Variants in STXBP5L observed in about 807,000 individuals in gnomAD.
STXBP5L encodes the protein syntaxin-binding protein 5-like.
A neutral mutation model predicts 144.5 loss-of-function variants in STXBP5L; 65 were observed. That is an observed-to-expected ratio of 0.45 (90% CI 0.37 to 0.55). The LOEUF is 0.55. Among genes scored for constraint, STXBP5L ranks in the 20% least tolerant of loss-of-function variants. The pLI, the probability that STXBP5L is intolerant of heterozygous loss-of-function variation, is 0.00. For missense variants in STXBP5L, 1,298 were observed against 1,405.5 expected (o/e 0.92, Z 1.22); for synonymous variants, 505 against 469.6 (o/e 1.08, Z -0.97).
chr3:120,956,146 T>C (rs1368711331), intron 3 of STXBP5L, among the ~76,000 whole-genome samples: 1 of 151,964 alleles, frequency 6.6e-6, no homozygotes, highest in Non-Finnish European at 1.5e-5. Flanking sequence ...TTCTCTGGTG[T>C]AAATGCCCAG....
rs144927552 is a variant in STXBP5L, at chr3:121,067,409, G to T, written c.470+21874G>T. 4.5e-3 allele frequency among the ~76,000 whole-genome samples: 691 copies of T among 152,148 alleles called. 4 individuals are homozygous for T. The highest frequency in any genetic ancestry group is 0.016 in the African/African-American group (659 of 41,546). ...TATTTGAACCTTGTGTTATTTAGAA[G>T]TTAATTAGTTTTCAAGAAGTTGAGA... On this transcript the variant is annotated intron_variant, in intron 5 of 26. Coordinates refer to ENST00000471454, the MANE Select transcript of STXBP5L (RefSeq NM_001308330.2).
rs147307423 is a variant in STXBP5L, at chr3:121,399,711, G to A, written c.2588-7532G>A. 3.2e-3 allele frequency among the ~76,000 whole-genome samples: 486 copies of A among 152,304 alleles called. 3 individuals are homozygous for A. Among genetic ancestry groups the A allele is most frequent in the African/African-American group, 0.011 (448 of 41,556 alleles). ...TTAAGAATACCTTTAAGCAGTTTTCGGCCCTGGGAGGGCCAGGTGTTCCTT... is the reference window on the plus strand; with the variant it reads ...TTAAGAATACCTTTAAGCAGTTTTCAGCCCTGGGAGGGCCAGGTGTTCCTT... On this transcript the variant is annotated intron_variant, in intron 22 of 26. Coordinates refer to ENST00000471454, the MANE Select transcript of STXBP5L (RefSeq NM_001308330.2).
intron 7 of STXBP5L, among the ~76,000 whole-genome samples, chr3:121,124,822 CTTTT>C (rs768224755): frequency 6.6e-6 from 1 of 151,462 alleles, no homozygotes; most frequent in African/African-American, 2.4e-5. Flanking sequence ...TTAGTGGGAA[CTTTT>C]TTTTGTTTCC....
intron 3 of STXBP5L, among the ~76,000 whole-genome samples, chr3:121,004,343 T>C (rs1293886194): frequency 2.0e-5 from 3 of 152,056 alleles, no homozygotes; most frequent in Non-Finnish European, 4.4e-5. Context: ...ATGATTTGGC[T>C]CTCTGTTTGT....
At chr3:121,352,479 CTGTT>C (rs1301624813) in intron 20 of STXBP5L, among the ~76,000 whole-genome samples, 4 of 152,132 alleles carry the variant, frequency 2.6e-5, no homozygotes, top group Admixed American at 2.0e-4. Context: ...ATTTGGCTCT[CTGTT>C]TGTCTGTTAT....
chr3:121,328,288 A>G (rs1176101616), intron 20 of STXBP5L, among the ~76,000 whole-genome samples: 1 of 152,238 alleles, frequency 6.6e-6, no homozygotes, highest in African/African-American at 2.4e-5. Context: ...AGGGCTTTAC[A>G]CACATTCCTT....
At chr3:120,947,725 T>G (rs1393161771) in intron 2 of STXBP5L, among the ~76,000 whole-genome samples, 1 of 151,882 alleles carries the variant, frequency 6.6e-6, no homozygotes, top group Non-Finnish European at 1.5e-5. Flanking sequence ...AGTATGTGAC[T>G]AGCTTCTTCA....
At chr3:120,916,530 A>G (rs1190090696) in intron 2 of STXBP5L, among the ~76,000 whole-genome samples, 1 of 152,064 alleles carries the variant, frequency 6.6e-6, no homozygotes, top group Admixed American at 6.6e-5. Flanking sequence ...CAAACTCCTG[A>G]CCTCAGGTGA....
At chr3:121,205,806 C>A (rs1254803687) in intron 9 of STXBP5L, 117 bp from the exon 10 acceptor site, 3 of 493,662 alleles carry the variant, frequency 6.1e-6, no homozygotes, top group Non-Finnish European at 6.9e-6. Context: ...CCTATTATGA[C>A]AAACATAGAA....
In STXBP5L at chr3:121,349,989, G is replaced by C. The variant is rs559196751; in HGVS notation, c.2177-28727G>C. On this transcript the variant is annotated intron_variant, in intron 20 of 26. Transcript: ENST00000471454. ...GGTTAATATTGTTATGTGTGAATTTGATCCTGTCATTGTGATGTTAGCTGG... is the reference window on the plus strand; with the variant it reads ...GGTTAATATTGTTATGTGTGAATTTCATCCTGTCATTGTGATGTTAGCTGG... Among the ~76,000 whole-genome samples, 7 of 152,206 alleles carry C rather than the reference G, an allele frequency of 4.6e-5. No individual in the cohort carries two copies. In the East Asian group the frequency reaches 1.4e-3, roughly 29 times the overall value.
chr3:121,245,601 A>G (rs2049822954), intron 14 of STXBP5L, among the ~76,000 whole-genome samples: 1 of 152,168 alleles, frequency 6.6e-6, no homozygotes, highest in African/African-American at 2.4e-5. Context: ...GTGAAAGGAT[A>G]GAAAAAGATG....
intron 5 of STXBP5L, among the ~76,000 whole-genome samples, chr3:121,106,178 T>C (rs2043693688): frequency 6.6e-6 from 1 of 152,188 alleles, no homozygotes; most frequent in Non-Finnish European, 1.5e-5. Flanking sequence ...GCTTGTTTTG[T>C]CTCTCCTGTT....
At chr3:120,932,537 G>C (rs1217514057) in intron 2 of STXBP5L, among the ~76,000 whole-genome samples, 1 of 152,004 alleles carries the variant, frequency 6.6e-6, no homozygotes, top group South Asian at 2.1e-4. Flanking sequence ...TAGAAATAAA[G>C]TGAATTTTAA....
chr3:120,923,243 C>G (rs891345487), intron 2 of STXBP5L, among the ~76,000 whole-genome samples: 1 of 151,474 alleles, frequency 6.6e-6, no homozygotes, highest in Admixed American at 6.6e-5. Flanking sequence ...TTCTTTTTTT[C>G]TTAGTCTAGC....
At chr3:121,223,304 C>A in intron 11 of STXBP5L, 147 bp downstream of exon 11, 1 of 771,972 alleles carries the variant, frequency 1.3e-6, no homozygotes, top group Non-Finnish European at 2.0e-6. Context: ...GCAACTGTAC[C>A]TACTTGAGAA....
intron 3 of STXBP5L, among the ~76,000 whole-genome samples, chr3:121,005,174 C>T (rs1318873575): frequency 6.6e-6 from 1 of 152,162 alleles, no homozygotes; most frequent in Admixed American, 6.5e-5. Context: ...GTGAATCCAT[C>T]TGGTCCTGGA....
chr3:121,024,329 TGCC>T (rs1945775930), intron 3 of STXBP5L, among the ~76,000 whole-genome samples: 1 of 152,186 alleles, frequency 6.6e-6, no homozygotes, highest in Admixed American at 6.5e-5. Context: ...TTGCCTCATA[TGCC>T]ATTAGGGAAT....
intron 5 of STXBP5L, among the ~76,000 whole-genome samples, chr3:121,069,743 A>G (rs1225340281): frequency 6.6e-6 from 1 of 152,160 alleles, no homozygotes; most frequent in African/African-American, 2.4e-5. Flanking sequence ...ATTTAAAATT[A>G]TAACTCATTT....
At chr3:121,219,182 C>A (rs2048897418) in intron 10 of STXBP5L, among the ~76,000 whole-genome samples, 1 of 152,080 alleles carries the variant, frequency 6.6e-6, no homozygotes, top group Non-Finnish European at 1.5e-5. Flanking sequence ...TGGAGCTTAG[C>A]ACACAAGGAG....
Sources: allele counts gnomAD v4.1 joint callset (sites outside exome capture counted in the v4.1 genomes callset), GRCh38; gene constraint gnomAD v4.1.1; transcripts MANE v1.5; gene names NCBI Gene and HGNC (gene_info 2026-07-23, HGNC 2026-07-21).